The following FAT3 variants were observed in gnomAD, a reference collection of about 807,000 sequenced individuals.
FAT3 encodes the protein FAT atypical cadherin 3.
Under a neutral mutation model 310.2 loss-of-function variants are expected in FAT3, and 95 were observed. The ratio of observed to expected loss-of-function variants is 0.31; its 90% CI spans 0.26 to 0.36. The LOEUF is 0.36. Ranked by LOEUF, FAT3 falls within the 10% of genes least tolerant of loss-of-function variation. The probability of loss-of-function intolerance (pLI) is 1.00; values close to 1 mark genes in which losing one functional copy is unlikely to be tolerated. For synonymous variants in FAT3, 2,314 were observed against 2,192.9 expected, an observed-to-expected ratio of 1.06 and a Z score of -1.54; for missense variants, 5,408 against 5,715.6, an observed-to-expected ratio of 0.95 and a Z score of 1.74.
chr11:92,319,508 C>T (rs1318274100), intron 1 of FAT3, among the ~76,000 whole-genome samples: 1 of 152,190 alleles, frequency 6.6e-6, no homozygotes, highest in Non-Finnish European at 1.5e-5. Context: ...TTTAATCTCT[C>T]TGTGTGTTCA....
rs115872281 is a variant in FAT3 at position 92,454,543 on chromosome 11, G to A, written c.3293-70091G>A. On this transcript the variant is annotated intron_variant, in intron 2 of 27. Transcript: ENST00000525166. ...GTGTGCCCCCATGAGAAGTGAACAC[G>A]ATTGGTAGAAACCTTGATTACTTAA... Among the ~76,000 whole-genome samples, 608 of 152,234 alleles carry A rather than the reference G, an allele frequency of 4.0e-3. 7 individuals are homozygous for A. The highest frequency in any genetic ancestry group is 0.014 in the African/African-American group (587 of 41,542).
intron 21 of FAT3, among the ~76,000 whole-genome samples, chr11:92,862,961 T>TA (rs1305672491): frequency 1.3e-5 from 2 of 152,154 alleles, no homozygotes; most frequent in Non-Finnish European, 2.9e-5. Flanking sequence ...AGTTGGGAGT[T>TA]AGATATCTCT....
chr11:92,439,250 C>G (rs1951016291), intron 2 of FAT3, among the ~76,000 whole-genome samples: 1 of 151,802 alleles, frequency 6.6e-6, no homozygotes, highest in African/African-American at 2.4e-5. Flanking sequence ...TTTAAAAAAA[C>G]AGGCCAGTGC....
At chr11:92,392,091 T>C (rs1438448691) in intron 2 of FAT3, among the ~76,000 whole-genome samples, 1 of 152,038 alleles carries the variant, frequency 6.6e-6, no homozygotes, top group East Asian at 1.9e-4. Flanking sequence ...TGCTGGTTTA[T>C]CACATGCAGT....
rs141403141 is a variant in FAT3, at chr11:92,500,122, T to C, written c.3293-24512T>C. 2.8e-3 allele frequency among the ~76,000 whole-genome samples: 433 copies of C among 152,194 alleles called. 1 individual carries two copies. The highest frequency in any genetic ancestry group is 9.8e-3 in the African/African-American group (407 of 41,548). On this transcript the variant is annotated intron_variant, in intron 2 of 27. Coordinates refer to ENST00000525166, the MANE Select transcript of FAT3 (RefSeq NM_001367949.2). ...AAATGCCTGTCATGTAGGAGATGCT[T>C]AATGAATATTTGTTGACTAAAATTT...
intron 3 of FAT3, among the ~76,000 whole-genome samples, chr11:92,634,271 T>C: frequency 6.6e-6 from 1 of 152,240 alleles, no homozygotes; most frequent in East Asian, 1.9e-4. Flanking sequence ...CTATTCTTTA[T>C]AGCTTTTGGG....
intron 18 of FAT3, among the ~76,000 whole-genome samples, chr11:92,842,487 G>T (rs1236235328): frequency 6.6e-6 from 1 of 152,204 alleles, no homozygotes; most frequent in African/African-American, 2.4e-5. Flanking sequence ...AGTCTCATCT[G>T]CTAAAGTTAT....
chr11:92,596,622 G>T (rs1424886259), intron 3 of FAT3, among the ~76,000 whole-genome samples: 1 of 152,180 alleles, frequency 6.6e-6, no homozygotes, highest in Admixed American at 6.5e-5. Context: ...GAAGCAGATA[G>T]CAGGCTCATT....
chr11:92,434,380 A>G (rs1950878866), intron 2 of FAT3, among the ~76,000 whole-genome samples: 1 of 152,214 alleles, frequency 6.6e-6, no homozygotes, highest in African/African-American at 2.4e-5. Context: ...ACTCTTTAAA[A>G]TAAATCAGTG....
chr11:92,577,592 G>A (rs1278366934), intron 3 of FAT3, among the ~76,000 whole-genome samples: 2 of 151,964 alleles, frequency 1.3e-5, no homozygotes, highest in Non-Finnish European at 2.9e-5. Flanking sequence ...ATCTCTTCTA[G>A]CTATTTTCAA....
intron 22 of FAT3, among the ~76,000 whole-genome samples, chr11:92,876,608 CTG>C (rs1949541840): frequency 6.6e-6 from 1 of 152,188 alleles, no homozygotes; most frequent in Non-Finnish European, 1.5e-5. Flanking sequence ...CTCTTTCCCT[CTG>C]TGTTTCTTGC....
chr11:92,577,905 G>T (rs1008257086), intron 3 of FAT3, among the ~76,000 whole-genome samples: 4 of 151,996 alleles, frequency 2.6e-5, no homozygotes, highest in Non-Finnish European at 5.9e-5. Flanking sequence ...GAGAGAGATT[G>T]AGATAGAGAA....
At chr11:92,869,643 G>A (rs1225880266) in intron 22 of FAT3, among the ~76,000 whole-genome samples, 4 of 152,104 alleles carry the variant, frequency 2.6e-5, no homozygotes, top group Admixed American at 1.3e-4. Context: ...CCTTAAATTC[G>A]TGCCAAACAG....
rs757751457 is a variant in FAT3, at chr11:92,352,814, G to A, written c.702G>A (p.Val234=). ...GGTATGATCTGGAAATTTTGGCTGT[G>A]GACCGGGGAATGAAACTGTATGGGA... The part of the protein sequence containing the change: ...KNRYDLEILA[V]DRGMKLYGNN... The change falls in exon 2 of 28, where the codon GTG becomes GTA. Residue 234 remains valine, a synonymous_variant. Coordinates refer to ENST00000525166, the MANE Select transcript of FAT3 (RefSeq NM_001367949.2). 2.5e-6 allele frequency: 4 copies of A among 1,613,928 alleles called. No homozygotes were observed. Among genetic ancestry groups the A allele is most frequent in the Middle Eastern group, 1.7e-4 (1 of 6,060 alleles).
intron 1 of FAT3, among the ~76,000 whole-genome samples, chr11:92,268,873 C>T (rs1418240175): frequency 6.6e-6 from 1 of 152,080 alleles, no homozygotes; most frequent in Non-Finnish European, 1.5e-5. Context: ...AAAAAAGAAA[C>T]ATTTTCAAGG....
At chr11:92,629,076 G>GA (rs1361369334) in intron 3 of FAT3, among the ~76,000 whole-genome samples, 2 of 152,218 alleles carry the variant, frequency 1.3e-5, no homozygotes, top group African/African-American at 4.8e-5. Context: ...ACAAGAGAAA[G>GA]AAGGAAGTAC....
chr11:92,856,216 G>C (rs754935940), intron 19 of FAT3, among the ~76,000 whole-genome samples: 1 of 152,202 alleles, frequency 6.6e-6, no homozygotes, highest in East Asian at 1.9e-4. Flanking sequence ...AGATCTGGCT[G>C]AGGAATGAGC....
chr11:92,829,685 G>A (rs1948191576), intron 13 of FAT3, among the ~76,000 whole-genome samples: 1 of 152,194 alleles, frequency 6.6e-6, no homozygotes, highest in Non-Finnish European at 1.5e-5. Flanking sequence ...AGCAAGAGAA[G>A]AGGAAAGCTT....
intron 13 of FAT3, among the ~76,000 whole-genome samples, chr11:92,829,511 C>G (rs1948185901): frequency 6.6e-6 from 1 of 152,110 alleles, no homozygotes; most frequent in Non-Finnish European, 1.5e-5. Flanking sequence ...ATTCTGACAC[C>G]CAGACAGGGC....
Sources: gnomAD v4.1 joint callset for allele counts (sites outside exome capture counted in the v4.1 genomes callset) on GRCh38, gnomAD v4.1.1 for gene constraint, MANE v1.5 for transcripts, NCBI Gene and HGNC (gene_info 2026-07-23, HGNC 2026-07-21) for gene names.